Variants in UTRN observed in about 807,000 individuals in gnomAD.
The protein encoded by UTRN is dystrophin-related protein 1.
UTRN carries 283 observed loss-of-function variants against 463.9 expected under a neutral mutation model. The ratio of observed to expected loss-of-function variants is 0.61; its 90% CI spans 0.55 to 0.67. The LOEUF is 0.67. Ranked by LOEUF, UTRN falls within the 30% of genes least tolerant of loss-of-function variation. The probability of loss-of-function intolerance (pLI) is 0.00; values close to 1 mark genes in which losing one functional copy is unlikely to be tolerated. For synonymous variants in UTRN, 1,442 were observed against 1,431.5 expected, an observed-to-expected ratio of 1.01 and a Z score of -0.17; for missense variants, 3,922 against 4,084.3, an observed-to-expected ratio of 0.96 and a Z score of 1.08.
intron 69 of UTRN, among the ~76,000 whole-genome samples, chr6:144,834,800 A>C (rs1780969353): frequency 6.6e-6 from 1 of 152,302 alleles, no homozygotes; most frequent in South Asian, 2.1e-4. Flanking sequence ...CTTACACAGG[A>C]AGGAGCTGCT....
chr6:144,422,329 T>C (rs569626442), intron 4 of UTRN, among the ~76,000 whole-genome samples: 2 of 152,270 alleles, frequency 1.3e-5, no homozygotes, highest in East Asian at 3.9e-4. Flanking sequence ...TTAAAACAGT[T>C]GTTAAGGCTG....
intron 2 of UTRN, among the ~76,000 whole-genome samples, chr6:144,308,354 C>T (rs60800156): frequency 0.02 from 2,992 of 152,154 alleles, 113 homozygotes; most frequent in African/African-American, 0.068. Flanking sequence ...CCCATTTTTT[C>T]GGTACTAGCA....
chr6:144,472,438 T>C (rs1790757667), intron 23 of UTRN, among the ~76,000 whole-genome samples: 1 of 152,292 alleles, frequency 6.6e-6, no homozygotes, highest in Admixed American at 6.5e-5. Context: ...TTGGCAAGTC[T>C]TGATTTCACC....
At chr6:144,731,800 T>C (rs1788554007) in intron 54 of UTRN, among the ~76,000 whole-genome samples, 1 of 152,322 alleles carries the variant, frequency 6.6e-6, no homozygotes, top group African/African-American at 2.4e-5. Context: ...TAAGTCATTG[T>C]TGAGTCTTCC....
chr6:144,480,953 C>G (rs1038643814), intron 26 of UTRN, among the ~76,000 whole-genome samples: 20 of 152,004 alleles, frequency 1.3e-4, no homozygotes, highest in African/African-American at 4.1e-4. Context: ...TAGTGTAGCT[C>G]TTTTTGAAAG....
intron 50 of UTRN, among the ~76,000 whole-genome samples, chr6:144,574,142 C>T (rs1173613992): frequency 2.0e-5 from 3 of 152,152 alleles, no homozygotes; most frequent in African/African-American, 7.2e-5. Context: ...AAAAGGAGCA[C>T]ACCACTATTA....
At chr6:144,793,315 G>A (rs1488713397) in intron 62 of UTRN, among the ~76,000 whole-genome samples, 1 of 150,932 alleles carries the variant, frequency 6.6e-6, no homozygotes, top group Admixed American at 6.6e-5. Flanking sequence ...TTGCTATGTT[G>A]CCCAAACTGG....
chr6:144,385,948 A>T (rs1207564108), intron 2 of UTRN, among the ~76,000 whole-genome samples: 1 of 152,042 alleles, frequency 6.6e-6, no homozygotes, highest in African/African-American at 2.4e-5. Context: ...ACTTCAGATG[A>T]TCCACCTGCC....
At chr6:144,385,351 C>A (rs187740682) in intron 2 of UTRN, among the ~76,000 whole-genome samples, 1 of 152,110 alleles carries the variant, frequency 6.6e-6, no homozygotes. Context: ...ACCCAAGTCC[C>A]GGAGCGAATG....
chr6:144,717,602 AT>A (rs1425153736), intron 53 of UTRN, among the ~76,000 whole-genome samples: 3 of 121,170 alleles, frequency 2.5e-5, no homozygotes, highest in African/African-American at 1.0e-4. Flanking sequence ...ACATAATTCC[AT>A]TTTTTTCTTT....
chr6:144,591,574 C>G (rs1803076493), intron 51 of UTRN, among the ~76,000 whole-genome samples: 1 of 151,932 alleles, frequency 6.6e-6, no homozygotes, highest in Admixed American at 6.6e-5. Flanking sequence ...CTAAACAAAG[C>G]AAAGGAAAGA....
chr6:144,630,280 T>G (rs116504487), intron 51 of UTRN, among the ~76,000 whole-genome samples: 1,793 of 152,290 alleles, frequency 0.012, 32 homozygotes, highest in African/African-American at 0.04. Context: ...GAGAGCTTAG[T>G]CTTGTTAATT....
chr6:144,842,110 CAAA>C (rs35954430), intron 73 of UTRN, among the ~76,000 whole-genome samples: 1 of 62,102 alleles, frequency 1.6e-5, no homozygotes, highest in East Asian at 6.1e-4. Flanking sequence ...ACTTCCTCTC[CAAA>C]AAAAAAAAAA....
intron 51 of UTRN, among the ~76,000 whole-genome samples, chr6:144,665,485 A>AT (rs1363643126): frequency 3.3e-5 from 5 of 152,318 alleles, no homozygotes; most frequent in South Asian, 4.1e-4. Context: ...TAAACAAGTT[A>AT]TTTGATATAC....
chr6:144,516,876 T>C lies in UTRN; in HGVS notation c.5469T>C (p.Pro1823=). The change falls in exon 39 of 75, where the codon CCT becomes CCC. Residue 1823 remains proline, a synonymous_variant. Coordinates refer to ENST00000367545, the MANE Select transcript of UTRN (RefSeq NM_007124.3). ...GAGGAGAAGAAATGTTACATCAACC[T>C]ATGGAAGATAATAAAAAAGAAAAGA... The part of the protein sequence containing the change: ...LQRGEEMLHQ[P]MEDNKKEKIR... The C allele has an allele frequency of 6.6e-7, 1 of 1,516,508 alleles. No homozygotes were observed. Among genetic ancestry groups the C allele is most frequent in the East Asian group, 2.6e-5 (1 of 38,848 alleles). 93.9% of individuals were successfully genotyped at this position (1,516,508 alleles called of 1,614,324 possible).
Position 144,539,446 on chromosome 6 carries a change from G to A in UTRN, c.6519+3G>A, listed in dbSNP as rs755055834. ...CTGTAAATATGACATGGAATAAGGTGTGTGTAAAGTTACTATCACACATTT... is the reference window on the plus strand; with the variant it reads ...CTGTAAATATGACATGGAATAAGGTATGTGTAAAGTTACTATCACACATTT... On this transcript the variant is annotated splice_donor_region_variant and intron_variant, in intron 45 of 74. Coordinates refer to ENST00000367545, the MANE Select transcript of UTRN (RefSeq NM_007124.3). 6.3e-7 allele frequency: 1 copy of A among 1,581,544 alleles called. No homozygotes were observed. Among genetic ancestry groups the A allele is most frequent in the Non-Finnish European group, 8.6e-7 (1 of 1,164,024 alleles).
chr6:144,378,330 C>A (rs1405993736), intron 2 of UTRN, among the ~76,000 whole-genome samples: 1 of 152,128 alleles, frequency 6.6e-6, no homozygotes, highest in Non-Finnish European at 1.5e-5. Context: ...AAATTGACAA[C>A]CTGTATTGGG....
intron 53 of UTRN, 125 bp from the exon 54 acceptor site, chr6:144,730,232 A>T (rs1445553488): frequency 1.3e-5 from 14 of 1,108,450 alleles, no homozygotes; most frequent in African/African-American, 1.6e-5. Flanking sequence ...CTTCTAACTT[A>T]GCTGAAATGC....
At chr6:144,478,242 A>G (rs1039085075) in intron 25 of UTRN, among the ~76,000 whole-genome samples, 8 of 152,216 alleles carry the variant, frequency 5.3e-5, no homozygotes, top group Non-Finnish European at 1.0e-4. Flanking sequence ...AATAGAAAGT[A>G]TATATTCTCA....
Sources: allele counts gnomAD v4.1 joint callset (sites outside exome capture counted in the v4.1 genomes callset), GRCh38; gene constraint gnomAD v4.1.1; transcripts MANE v1.5; gene names NCBI Gene and HGNC (gene_info 2026-07-23, HGNC 2026-07-21).